Variants in AGBL4 observed in about 807,000 individuals in gnomAD.
The protein encoded by AGBL4 is AGBL carboxypeptidase 4.
A neutral mutation model predicts 66.4 loss-of-function variants in AGBL4; 58 were observed. That is an observed-to-expected ratio of 0.87 (90% confidence interval 0.71 to 1.09). The LOEUF (loss-of-function observed/expected upper bound fraction) is 1.09. Among genes scored for constraint, AGBL4 ranks in the 50% least tolerant of loss-of-function variants. The pLI is 0.00. For synonymous variants in AGBL4, 234 were observed against 222.9 expected (o/e 1.05, Z -0.44); for missense variants, 579 against 631.0 (o/e 0.92, Z 0.88).
intron 3 of AGBL4, among the ~76,000 whole-genome samples, chr1:49,576,994 A>G (rs1334167262): frequency 6.6e-6 from 1 of 152,198 alleles, no homozygotes; most frequent in East Asian, 1.9e-4. Flanking sequence ...CTTTTCATGG[A>G]AGGAGAAATG....
At chr1:49,398,333 TTC>T (rs36025670) in intron 3 of AGBL4, among the ~76,000 whole-genome samples, 36,337 of 143,308 alleles carry the variant, frequency 0.25, 6,002 homozygotes, top group African/African-American at 0.5. Context: ...CTCTCTCTCT[TTC>T]TCTCTCTCTC....
chr1:48,711,041 GTC>G (rs1243919687), intron 6 of AGBL4, among the ~76,000 whole-genome samples: 1 of 152,048 alleles, frequency 6.6e-6, no homozygotes, highest in African/African-American at 2.4e-5. Context: ...TTGTCTGTCT[GTC>G]TGCCCCTACT....
chr1:49,427,694 CAA>C, intron 3 of AGBL4, among the ~76,000 whole-genome samples: 2 of 152,278 alleles, frequency 1.3e-5, no homozygotes, highest in East Asian at 3.9e-4. Flanking sequence ...GGTGAGGACC[CAA>C]AGAGTGAGGA....
chr1:48,551,248 G>C (rs34135408), intron 11 of AGBL4, among the ~76,000 whole-genome samples: 25,659 of 152,164 alleles, frequency 0.17, 2,520 homozygotes, highest in African/African-American at 0.27. Flanking sequence ...AAAAAGCATG[G>C]GTTTTAATCC....
At chr1:48,689,853 C>G (rs375494436) in intron 6 of AGBL4, among the ~76,000 whole-genome samples, 1 of 152,104 alleles carries the variant, frequency 6.6e-6, no homozygotes. Flanking sequence ...TGCAGTAAGC[C>G]GAGATTGTGT....
intron 4 of AGBL4, among the ~76,000 whole-genome samples, chr1:49,198,700 A>G (rs1396506278): frequency 6.6e-6 from 1 of 150,568 alleles, no homozygotes; most frequent in Non-Finnish European, 1.5e-5. Flanking sequence ...CTGGAAAAGC[A>G]TTGTTTGCCA....
At chr1:48,911,096 AT>A (rs2148880940) in intron 5 of AGBL4, among the ~76,000 whole-genome samples, 1 of 152,314 alleles carries the variant, frequency 6.6e-6, no homozygotes, top group East Asian at 1.9e-4. Flanking sequence ...CATCAAGCTC[AT>A]TCATCTTTCA....
At chr1:48,885,853 G>A (rs3127557) in intron 5 of AGBL4, among the ~76,000 whole-genome samples, 128,385 of 152,110 alleles carry the variant, frequency 0.84, 55,945 homozygotes, top group Non-Finnish European at 0.96. Flanking sequence ...CCAGGCAGAC[G>A]TCTCCCATTT....
intron 11 of AGBL4, among the ~76,000 whole-genome samples, chr1:48,565,503 T>C (rs1402545012): frequency 6.6e-6 from 1 of 152,200 alleles, no homozygotes. Context: ...CTTCAAAACA[T>C]GATCTTTGGT....
At chr1:49,584,750 T>G (rs1168087961) in intron 3 of AGBL4, among the ~76,000 whole-genome samples, 1 of 152,228 alleles carries the variant, frequency 6.6e-6, no homozygotes, top group Non-Finnish European at 1.5e-5. Flanking sequence ...GTTTTGTAGC[T>G]TCAGGGTATA....
At chr1:49,163,909 C>T (rs991301168) in intron 4 of AGBL4, among the ~76,000 whole-genome samples, 8 of 151,926 alleles carry the variant, frequency 5.3e-5, no homozygotes, top group African/African-American at 1.5e-4. Context: ...CACTGGGCTG[C>T]GAAAGTTGGA....
chr1:49,287,342 C>T (rs1644437165), intron 3 of AGBL4, among the ~76,000 whole-genome samples: 1 of 146,678 alleles, frequency 6.8e-6, no homozygotes, highest in South Asian at 2.3e-4. Flanking sequence ...GCAATGGCAA[C>T]AAAAGCCAAA....
At chr1:48,761,384 C>G (rs1297406570) in intron 6 of AGBL4, 1 of 1,551,982 alleles carries the variant, frequency 6.4e-7, no homozygotes, top group Non-Finnish European at 8.7e-7. Context: ...TCTTTAACCT[C>G]TCCATCTTCT....
At chr1:49,972,494 G>T (rs1658214301) in intron 1 of AGBL4, among the ~76,000 whole-genome samples, 1 of 152,122 alleles carries the variant, frequency 6.6e-6, no homozygotes, top group Admixed American at 6.5e-5. Flanking sequence ...TGCTGCAAAA[G>T]AAATGATTTC....
chr1:49,601,967 A>G (rs1358690147), intron 3 of AGBL4, among the ~76,000 whole-genome samples: 1 of 152,214 alleles, frequency 6.6e-6, no homozygotes, highest in Admixed American at 6.5e-5. Context: ...ACAAAGGGCT[A>G]ATATCCAGAA....
At chr1:49,009,060 A>C (rs1276498980) in intron 5 of AGBL4, among the ~76,000 whole-genome samples, 1 of 151,238 alleles carries the variant, frequency 6.6e-6, no homozygotes, top group Admixed American at 6.6e-5. Context: ...AGACACAAAA[A>C]ACCCTTCAAA....
At chr1:49,291,104 T>A (rs981702478) in intron 3 of AGBL4, among the ~76,000 whole-genome samples, 1 of 152,196 alleles carries the variant, frequency 6.6e-6, no homozygotes, top group Non-Finnish European at 1.5e-5. Flanking sequence ...ATGTGCAGAT[T>A]TTTGGTATCC....
intron 3 of AGBL4, among the ~76,000 whole-genome samples, chr1:49,323,268 C>T (rs1645162213): frequency 6.6e-6 from 1 of 151,914 alleles, no homozygotes; most frequent in African/African-American, 2.4e-5. Context: ...CTTTGCCACA[C>T]AGGAGATTTT....
intron 1 of AGBL4, among the ~76,000 whole-genome samples, chr1:49,981,508 AT>A: frequency 6.6e-6 from 1 of 152,084 alleles, no homozygotes; most frequent in Non-Finnish European, 1.5e-5. Context: ...TACTATTTCC[AT>A]TTTAAACTAA....
Sources: gnomAD v4.1 joint callset for allele counts (sites outside exome capture counted in the v4.1 genomes callset) on GRCh38, gnomAD v4.1.1 for gene constraint, MANE v1.5 for transcripts, NCBI Gene and HGNC (gene_info 2026-07-23, HGNC 2026-07-21) for gene names.